The following SRC variants were observed in gnomAD, a reference collection of about 807,000 sequenced individuals.
SRC encodes the protein proto-oncogene tyrosine-protein kinase Src.
Under a neutral mutation model 62.9 loss-of-function variants are expected in SRC, and 13 were observed. The observed-to-expected ratio is 0.21, with a 90% CI of 0.13 to 0.33. The LOEUF is 0.33. Ranked by LOEUF, SRC falls within the 10% of genes least tolerant of loss-of-function variation. The pLI is 1.00. For missense variants in SRC, 457 were observed against 737.3 expected, an observed-to-expected ratio of 0.62 and a Z score of 4.40; for synonymous variants, 302 against 317.5, an observed-to-expected ratio of 0.95 and a Z score of 0.52.
intron 5 of SRC, among the ~76,000 whole-genome samples, chr20:37,391,802 C>T (rs926235573): frequency 1.3e-5 from 2 of 152,190 alleles, no homozygotes; most frequent in Middle Eastern, 3.4e-3. Flanking sequence ...TGCAGTGAGC[C>T]GAGATCGCGC....
In SRC at chr20:37,386,141, A is replaced by G. The variant is rs2070452035; in HGVS notation, c.317A>G (p.Lys106Arg). The change falls in exon 5 of 14, where the codon AAG (lysine) becomes AGG (arginine). Residue 106 changes from lysine to arginine, a missense_variant. This residue lies in a region of SRC where 16 missense variants were observed against 45.7 expected (regional missense o/e 0.35). Coordinates refer to ENST00000373578, the MANE Select transcript of SRC (RefSeq NM_198291.3). The stretch of plus-strand genomic sequence containing the variant: ...AGGACGGAGACAGACCTGTCCTTCA[A>G]GAAAGGCGAGCGGCTCCAGATTGTC... The part of the protein sequence containing the change: ...ESRTETDLSF[K>R]KGERLQIVNN... 22 of 1,614,210 alleles carry G rather than the reference A, an allele frequency of 1.4e-5. No homozygotes were observed. Among genetic ancestry groups the G allele is most frequent in the Non-Finnish European group, 1.9e-5 (22 of 1,180,026 alleles).
chr20:37,396,023 G>C lies in SRC; in HGVS notation c.554-139G>C. ...CTCTGTGGCTGCCCCGGGGCTGGCT[G>C]TTGAGAGACAGGGTGGGCCTGGGGC... On this transcript the variant is annotated intron_variant, in intron 7 of 13. Transcript: ENST00000373578. The surrounding 1 kb of genome is among the most constrained non-coding windows in gnomAD (Gnocchi z 6.1). 8.0e-7 allele frequency: 1 copy of C among 1,248,604 alleles called. No individual in the cohort carries two copies. The highest frequency in any genetic ancestry group is 1.5e-5 in the South Asian group (1 of 68,036). 77.3% of individuals were successfully genotyped at this position (1,248,604 alleles called of 1,614,324 possible).
intron 2 of SRC, among the ~76,000 whole-genome samples, chr20:37,367,138 C>T (rs2070076181): frequency 1.4e-5 from 2 of 147,060 alleles, no homozygotes; most frequent in Admixed American, 6.8e-5. Context: ...CACTCTGTTG[C>T]CAAGGCTAAC....
intron 2 of SRC, among the ~76,000 whole-genome samples, chr20:37,380,683 G>C (rs1462083893): frequency 6.6e-6 from 1 of 152,070 alleles, no homozygotes; most frequent in Non-Finnish European, 1.5e-5. Flanking sequence ...GGTCTCTGGG[G>C]GCATGGAGAT....
At chr20:37,373,189 T>C (rs928866501) in intron 2 of SRC, among the ~76,000 whole-genome samples, 1 of 150,668 alleles carries the variant, frequency 6.6e-6, no homozygotes, top group Non-Finnish European at 1.5e-5. Flanking sequence ...TACACATGTA[T>C]ACATATATGT....
At chr20:37,352,925 C>T (rs1547837) in intron 1 of SRC, among the ~76,000 whole-genome samples, 33,169 of 152,156 alleles carry the variant, frequency 0.22, 3,943 homozygotes, top group Middle Eastern at 0.29. Flanking sequence ...AACACCCTGC[C>T]GGTCCCACTG....
chr20:37,373,123 T>C (rs932582425), intron 2 of SRC, among the ~76,000 whole-genome samples: 1 of 149,364 alleles, frequency 6.7e-6, no homozygotes, highest in African/African-American at 2.5e-5. Context: ...CACACACATA[T>C]GTACATATAT....
rs1014471194 is a variant in SRC, at chr20:37,397,051, G to C, written c.704-648G>C. ...TCCCTCAGATCAGAACTCTCCAGGGGCTGTCTTGGAATCTTGGGATAAAGA... is the reference window on the plus strand; with the variant it reads ...TCCCTCAGATCAGAACTCTCCAGGGCCTGTCTTGGAATCTTGGGATAAAGA... On this transcript the variant is annotated intron_variant, in intron 8 of 13. Transcript: ENST00000373578. The surrounding 1 kb of genome is among the most constrained non-coding windows in gnomAD (Gnocchi z 4.1). Among the ~76,000 whole-genome samples the C allele has an allele frequency of 3.3e-5, 5 of 152,112 alleles. No individual in the cohort carries two copies. Among genetic ancestry groups the C allele is most frequent in the Admixed American group, 1.3e-4 (2 of 15,280 alleles).
At chr20:37,371,948 C>A (rs139982681) in intron 2 of SRC, among the ~76,000 whole-genome samples, 4 of 152,236 alleles carry the variant, frequency 2.6e-5, no homozygotes, top group African/African-American at 4.8e-5. Flanking sequence ...AATCCGCCCC[C>A]CCTTGGTCTC....
In SRC at chr20:37,402,099, G is replaced by A; in HGVS notation, c.1117-336G>A. ...TGAGAAAACTGAGGCTCAGAGAGGG[G>A]ACTTGGGCAGCAGGCAGGACCTGGC... is the stretch of plus-strand genomic sequence containing the variant. On this transcript the variant is annotated intron_variant, in intron 11 of 13. Coordinates refer to ENST00000373578, the MANE Select transcript of SRC (RefSeq NM_198291.3). This position sits in a 1 kb window ranked among gnomAD's most constrained non-coding sequence, Gnocchi z 6.2. The A allele has an allele frequency of 3.1e-6, 1 of 326,636 alleles. No homozygotes were observed. Among genetic ancestry groups the A allele is most frequent in the Non-Finnish European group, 5.6e-6 (1 of 179,218 alleles). The allele number at this position is 326,636 out of a possible 1,614,324, so 20.2% of individuals were successfully genotyped here.
chr20:37,401,623 A>T lies in SRC; in HGVS notation c.1061A>T (p.Lys354Met). ...MSKGSLLDFL[K>M]GETGKYLRLP... The stretch of plus-strand genomic sequence containing the variant: ...CCAGGGAGTTTGCTGGACTTTCTCA[A>T]GGGGGAGACAGGCAAGTACCTGCGG... Residue 354 changes from lysine (K) to methionine (M), a missense_variant, in exon 11 of 14, where the codon AAG becomes ATG. Lys to Met is a moderately conservative substitution (Grantham distance 95). Around this residue, in one of 4 missense-constraint regions of SRC, gnomAD observed 168 missense variants for 357.8 expected, o/e 0.47. Coordinates refer to ENST00000373578, the MANE Select transcript of SRC (RefSeq NM_198291.3). 1.2e-6 allele frequency: 2 copies of T among 1,610,790 alleles called. No individual in the cohort carries two copies. The highest frequency in any genetic ancestry group is 1.7e-6 in the Non-Finnish European group (2 of 1,178,656).
intron 5 of SRC, among the ~76,000 whole-genome samples, chr20:37,390,388 CTTTTTTTTTT>C (rs562064689): frequency 9.3e-5 from 8 of 85,648 alleles, no homozygotes; most frequent in East Asian, 2.9e-4. Flanking sequence ...TCTGATCTGG[CTTTTTTTTTT>C]TTTTTTTTTT....
rs138066461 is a variant in SRC, at chr20:37,370,019, C to G, written c.-173+4742C>G. Among the ~76,000 whole-genome samples, 559 of 152,254 alleles carry G rather than the reference C, an allele frequency of 3.7e-3. 4 individuals carry two copies. Among genetic ancestry groups the G allele is most frequent in the African/African-American group, 0.013 (541 of 41,560 alleles). On this transcript the variant is annotated intron_variant, in intron 2 of 13. Transcript: ENST00000373578. Reference sequence around the variant, plus strand: ...TTTACCATGTTGGCCACACTGGTCTCTAACTCCTGACCTCAGGTGATCCAC... The same window carrying G: ...TTTACCATGTTGGCCACACTGGTCTGTAACTCCTGACCTCAGGTGATCCAC...
chr20:37,376,173 C>T (rs137967749), intron 2 of SRC, among the ~76,000 whole-genome samples: 2 of 152,332 alleles, frequency 1.3e-5, no homozygotes, highest in African/African-American at 2.4e-5. Context: ...GGCTCCTAAT[C>T]AACTCCACCA....
chr20:37,364,010 C>G (rs1349258175), intron 1 of SRC, among the ~76,000 whole-genome samples: 1 of 152,052 alleles, frequency 6.6e-6, no homozygotes, highest in African/African-American at 2.4e-5. Flanking sequence ...CCCCTCCATC[C>G]CCGCACAGGC....
intron 6 of SRC, 60 bp from the exon 7 acceptor site, chr20:37,394,114 G>C: frequency 1.3e-6 from 2 of 1,572,698 alleles, no homozygotes; most frequent in Non-Finnish European, 1.7e-6. Flanking sequence ...CCAGGGAGAA[G>C]CACTGTGAGT....
In SRC at chr20:37,402,438, G is replaced by A. The variant is rs994208712; in HGVS notation, c.1120G>A (p.Ala374Thr). 1 of 1,611,674 alleles carries A rather than the reference G, an allele frequency of 6.2e-7. No homozygotes were observed. The highest frequency in any genetic ancestry group is 1.1e-5 in the South Asian group (1 of 90,988). Residue 374 changes from alanine to threonine, a missense_variant, in exon 12 of 14, where the codon GCC becomes ACC. Physicochemically the swap from Ala to Thr is moderately conservative, Grantham distance 58 (BLOSUM62 0). Transcript: ENST00000373578. The surrounding 1 kb of genome is among the most constrained non-coding windows in gnomAD (Gnocchi z 6.2). ...PQLVDMAAQI[A>T]SGMAYVERMN... ...GCTCCCACGGTTCCGCCTGCAGATC[G>A]CCTCAGGCATGGCGTACGTGGAGCG...
At chr20:37,392,564 GA>G (rs1472333611) in intron 5 of SRC, among the ~76,000 whole-genome samples, 1 of 152,190 alleles carries the variant, frequency 6.6e-6, no homozygotes, top group African/African-American at 2.4e-5. Context: ...CTTGGATTGA[GA>G]AGAGCCCAGC....
intron 2 of SRC, among the ~76,000 whole-genome samples, chr20:37,372,255 T>C (rs2070178190): frequency 6.6e-6 from 1 of 152,234 alleles, no homozygotes; most frequent in Non-Finnish European, 1.5e-5. Flanking sequence ...CCCAGAGTGC[T>C]AGGATTACAG....
Sources: allele counts gnomAD v4.1 joint callset (sites outside exome capture counted in the v4.1 genomes callset), GRCh38; gene constraint gnomAD v4.1.1; regional missense constraint gnomAD v4.1.1; non-coding constraint Gnocchi (gnomAD v3.1); transcripts MANE v1.5; gene names NCBI Gene and HGNC (gene_info 2026-07-23, HGNC 2026-07-21).